ZNF407: variants seen among roughly 807,000 people sequenced by gnomAD.
ZNF407 encodes the protein zinc finger protein 407.
A neutral mutation model predicts 131.2 loss-of-function variants in ZNF407; 17 were observed. The ratio of observed to expected loss-of-function variants is 0.13; its 90% CI spans 0.09 to 0.19. The LOEUF is 0.19. ZNF407 is among the 10% of genes least tolerant of loss of function. ZNF407 has a pLI of 1.00. For synonymous variants in ZNF407, 1,156 were observed against 1,062.0 expected, an observed-to-expected ratio of 1.09 and a Z score of -1.72; for missense variants, 2,681 against 2,830.6, an observed-to-expected ratio of 0.95 and a Z score of 1.20.
At chr18:74,761,611 C>A (rs973432646) in intron 3 of ZNF407, among the ~76,000 whole-genome samples, 1 of 151,950 alleles carries the variant, frequency 6.6e-6, no homozygotes, top group Non-Finnish European at 1.5e-5. Context: ...TAACTTAGAC[C>A]CCAACATATA....
intron 3 of ZNF407, among the ~76,000 whole-genome samples, chr18:74,730,922 C>T (rs1968280458): frequency 6.6e-6 from 1 of 152,060 alleles, no homozygotes; most frequent in South Asian, 2.1e-4. Flanking sequence ...TGATGTTGAA[C>T]AATATTTTAG....
chr18:74,757,948 C>T (rs1264970863), intron 3 of ZNF407, among the ~76,000 whole-genome samples: 19 of 152,148 alleles, frequency 1.2e-4, no homozygotes, highest in Non-Finnish European at 5.9e-5. Context: ...AATATAGCCG[C>T]TGCGGCTTTC....
chr18:74,653,616 G>T (rs1985322632), intron 3 of ZNF407, among the ~76,000 whole-genome samples: 1 of 151,676 alleles, frequency 6.6e-6, no homozygotes, highest in Non-Finnish European at 1.5e-5. Flanking sequence ...GTATCGATAT[G>T]CTTATATTTA....
intron 8 of ZNF407, among the ~76,000 whole-genome samples, chr18:75,050,997 T>C (rs1480461222): frequency 1.3e-5 from 2 of 152,130 alleles, no homozygotes; most frequent in Admixed American, 6.5e-5. Context: ...GCAATACTTA[T>C]TACGGCCTAT....
intron 8 of ZNF407, among the ~76,000 whole-genome samples, chr18:74,940,363 A>G (rs1170078099): frequency 6.6e-6 from 1 of 152,116 alleles, no homozygotes; most frequent in African/African-American, 2.4e-5. Flanking sequence ...CGTGCAGCTG[A>G]GACCTGAAGG....
intron 3 of ZNF407, among the ~76,000 whole-genome samples, chr18:74,722,055 T>A (rs930222916): frequency 6.6e-6 from 1 of 150,824 alleles, no homozygotes; most frequent in Non-Finnish European, 1.5e-5. Flanking sequence ...TTTCTCACTG[T>A]CTTTGTCTGT....
intron 3 of ZNF407, among the ~76,000 whole-genome samples, chr18:74,727,251 G>T (rs1481266154): frequency 6.6e-6 from 1 of 152,092 alleles, no homozygotes; most frequent in Non-Finnish European, 1.5e-5. Context: ...GTAGAACGGT[G>T]GTGAAGAGGA....
chr18:74,762,107 T>A (rs1381499623), intron 3 of ZNF407, among the ~76,000 whole-genome samples: 1 of 152,176 alleles, frequency 6.6e-6, no homozygotes, highest in South Asian at 2.1e-4. Context: ...TGCTTGACAG[T>A]GTTACCATCC....
chr18:74,910,867 C>T (rs1184737720), intron 7 of ZNF407, among the ~76,000 whole-genome samples: 2 of 151,680 alleles, frequency 1.3e-5, no homozygotes, highest in Admixed American at 6.6e-5. Context: ...GTGACACAGC[C>T]GCAACACTGC....
chr18:74,879,212 A>T (rs1262131040), intron 5 of ZNF407, among the ~76,000 whole-genome samples: 1 of 152,206 alleles, frequency 6.6e-6, no homozygotes, highest in African/African-American at 2.4e-5. Flanking sequence ...ATTTTACAAG[A>T]TGCAGGCCAC....
intron 3 of ZNF407, among the ~76,000 whole-genome samples, chr18:74,746,976 C>G (rs12326602): frequency 6.6e-6 from 1 of 152,074 alleles, no homozygotes; most frequent in Non-Finnish European, 1.5e-5. Flanking sequence ...TCACCACAAA[C>G]GAATAATGCA....
chr18:74,651,478 C>G lies in ZNF407; in HGVS notation c.4802+10356C>G, dbSNP rs574569396. 4.2e-4 allele frequency among the ~76,000 whole-genome samples: 64 copies of G among 152,190 alleles called. 1 individual carries two copies. Among genetic ancestry groups the G allele is most frequent in the African/African-American group, 1.5e-3 (61 of 41,544 alleles). On this transcript the variant is annotated intron_variant, in intron 3 of 8. Transcript: ENST00000299687. Reference sequence around the variant, plus strand: ...AGGCCGATAATTTGCCTGTAGATGCCTGCGTGAAGGTTGTAACTCATGTTT... The same window carrying G: ...AGGCCGATAATTTGCCTGTAGATGCGTGCGTGAAGGTTGTAACTCATGTTT...
intron 3 of ZNF407, among the ~76,000 whole-genome samples, chr18:74,755,728 C>CCTTT (rs765042437): frequency 0.058 from 3,696 of 63,388 alleles, 189 homozygotes; most frequent in East Asian, 0.1. Flanking sequence ...TTCTTTCTTT[C>CCTTT]CTTTCTTTCT....
rs1159899844 is a variant in ZNF407, at chr18:74,703,457, T to C, written c.4802+62335T>C. On this transcript the variant is annotated intron_variant, in intron 3 of 8. Coordinates refer to ENST00000299687, the MANE Select transcript of ZNF407 (RefSeq NM_017757.3). This position sits in a 1 kb window ranked among gnomAD's most constrained non-coding sequence, Gnocchi z 4.1. The stretch of plus-strand genomic sequence containing the variant: ...TCTCGGCTCACCGCAACCTCCACCT[T>C]CTGGGTTCAAGCAGTTCTCCTGCCT... 6.6e-6 allele frequency among the ~76,000 whole-genome samples: 1 copy of C among 152,056 alleles called. No individual in the cohort carries two copies. The highest frequency in any genetic ancestry group is 2.4e-5 in the African/African-American group (1 of 41,412).
intron 3 of ZNF407, among the ~76,000 whole-genome samples, chr18:74,707,478 A>G (rs1439774326): frequency 1.3e-5 from 2 of 152,168 alleles, no homozygotes; most frequent in African/African-American, 4.8e-5. Context: ...TCCTGGTTGA[A>G]CATGGCAAAT....
chr18:75,040,921 A>C (rs373720228), intron 8 of ZNF407, among the ~76,000 whole-genome samples: 1 of 152,338 alleles, frequency 6.6e-6, no homozygotes, highest in Admixed American at 6.5e-5. Flanking sequence ...ACTGTTACTA[A>C]TGCTGTGTCC....
At chr18:74,756,415 G>C (rs1968964694) in intron 3 of ZNF407, among the ~76,000 whole-genome samples, 2 of 152,068 alleles carry the variant, frequency 1.3e-5, no homozygotes, top group Admixed American at 1.3e-4. Flanking sequence ...GGAAAGTATT[G>C]TCACATAAAG....
intron 4 of ZNF407, among the ~76,000 whole-genome samples, chr18:74,782,627 C>A (rs1969627404): frequency 6.6e-6 from 1 of 151,754 alleles, no homozygotes. Context: ...TCCCCGTTCT[C>A]CCCTTCATTT....
intron 7 of ZNF407, among the ~76,000 whole-genome samples, chr18:74,895,211 G>GTT (rs561337093): frequency 0.12 from 17,467 of 144,208 alleles, 885 homozygotes; most frequent in Middle Eastern, 0.24. Context: ...ATCTTAAGAG[G>GTT]TTTTTTTTTT....
Sources: allele counts gnomAD v4.1 joint callset (sites outside exome capture counted in the v4.1 genomes callset), GRCh38; gene constraint gnomAD v4.1.1; non-coding constraint Gnocchi (gnomAD v3.1); transcripts MANE v1.5; gene names NCBI Gene and HGNC (gene_info 2026-07-23, HGNC 2026-07-21).